Variants in TMTC2 observed in about 807,000 individuals in gnomAD.
TMTC2 encodes protein O-mannosyl-transferase TMTC2.
In TMTC2, 43 loss-of-function variants were observed where a neutral mutation model predicts 82.4. That is an observed-to-expected ratio of 0.52 (90% CI 0.41 to 0.67). The LOEUF (loss-of-function observed/expected upper bound fraction) is 0.67, where lower values mean the gene tolerates loss of function less well. TMTC2 is among the 30% of genes least tolerant of loss of function. TMTC2 has a pLI of 0.00. For synonymous variants in TMTC2, 408 were observed against 381.9 expected, an observed-to-expected ratio of 1.07 and a Z score of -0.80; for missense variants, 919 against 1,012.4, an observed-to-expected ratio of 0.91 and a Z score of 1.25.
intron 3 of TMTC2, among the ~76,000 whole-genome samples, chr12:82,920,523 G>T (rs1339590505): frequency 6.6e-6 from 1 of 152,124 alleles, no homozygotes; most frequent in Non-Finnish European, 1.5e-5. Context: ...CTTTCATTGT[G>T]AATTAACATC....
chr12:82,764,058 G>A lies in TMTC2; in HGVS notation c.83+76389G>A, dbSNP rs1166083936. Reference sequence around the variant, plus strand: ...TGGTGCAATATTCATTTAGTTTTAGGAAAATTATTAGCATAATTCTTTACA... The same window carrying A: ...TGGTGCAATATTCATTTAGTTTTAGAAAAATTATTAGCATAATTCTTTACA... On this transcript the variant is annotated intron_variant, in intron 1 of 11. Coordinates refer to ENST00000321196, the MANE Select transcript of TMTC2 (RefSeq NM_152588.3). 5.9e-5 allele frequency among the ~76,000 whole-genome samples: 9 copies of A among 152,246 alleles called. No individual in the cohort carries two copies. The South Asian group carries it at 8.3e-4, about 14-fold the overall frequency.
At chr12:83,033,729 T>A (rs981330987) in intron 9 of TMTC2, among the ~76,000 whole-genome samples, 2 of 151,192 alleles carry the variant, frequency 1.3e-5, no homozygotes, top group Non-Finnish European at 2.9e-5. Flanking sequence ...CCAGCCTGGG[T>A]GAGAGAGCAA....
chr12:82,794,867 G>A (rs1878642642), intron 1 of TMTC2, among the ~76,000 whole-genome samples: 2 of 152,124 alleles, frequency 1.3e-5, no homozygotes, highest in African/African-American at 4.8e-5. Flanking sequence ...GCTACCAATA[G>A]TCTCTGCCTT....
intron 4 of TMTC2, among the ~76,000 whole-genome samples, chr12:82,961,648 T>C (rs980307787): frequency 2.0e-5 from 3 of 152,040 alleles, no homozygotes; most frequent in Non-Finnish European, 2.9e-5. Flanking sequence ...AGCTGATAAC[T>C]CTTTTTACTG....
intron 1 of TMTC2, among the ~76,000 whole-genome samples, chr12:82,827,987 G>A (rs779292910): frequency 1.3e-4 from 19 of 150,434 alleles, no homozygotes; most frequent in Non-Finnish European, 2.2e-4. Context: ...CCGCCTCCCC[G>A]GTTTAAACAA....
At chr12:82,840,157 C>T (rs981280837) in intron 1 of TMTC2, among the ~76,000 whole-genome samples, 1 of 152,242 alleles carries the variant, frequency 6.6e-6, no homozygotes, top group Non-Finnish European at 1.5e-5. Context: ...GAAGCCCCTA[C>T]TGTGCGTCAT....
chr12:82,706,154 C>T (rs950653571), intron 1 of TMTC2, among the ~76,000 whole-genome samples: 18 of 151,834 alleles, frequency 1.2e-4, no homozygotes, highest in African/African-American at 1.7e-4. Flanking sequence ...ACTAAAAGTA[C>T]GAAAATTAGC....
intron 1 of TMTC2, among the ~76,000 whole-genome samples, chr12:82,806,834 T>C (rs1182958738): frequency 1.3e-5 from 2 of 152,240 alleles, no homozygotes; most frequent in East Asian, 1.9e-4. Context: ...CTGTGTTAGA[T>C]GGCAAAGGCA....
At chr12:82,935,152 C>T (rs1876250287) in intron 4 of TMTC2, among the ~76,000 whole-genome samples, 1 of 151,942 alleles carries the variant, frequency 6.6e-6, no homozygotes. Context: ...GGTTTGCATA[C>T]CTGTGCTAAG....
At chr12:82,935,641 C>T (rs780266583) in intron 4 of TMTC2, among the ~76,000 whole-genome samples, 6 of 152,016 alleles carry the variant, frequency 3.9e-5, no homozygotes, top group Non-Finnish European at 8.8e-5. Flanking sequence ...GGATTTGTTT[C>T]GGTCTGTTCC....
At position 82,918,152 on chromosome 12, in the gene TMTC2, C is replaced by T. The variant is rs145411043; in HGVS notation, c.1484-12279C>T. Among the ~76,000 whole-genome samples the T allele has an allele frequency of 7.5e-3, 1,136 of 152,252 alleles. 14 individuals are homozygous for T. The highest frequency in any genetic ancestry group is 0.026 in the African/African-American group (1,078 of 41,536). ...CTTGAACTCCTGGACTCAAGCAATC[C>T]GCCCAGCTTGGCCTCCCAAAGTACT... On this transcript the variant is annotated intron_variant, in intron 3 of 11. Coordinates refer to ENST00000321196, the MANE Select transcript of TMTC2 (RefSeq NM_152588.3).
At chr12:82,810,405 TA>T (rs1455347538) in intron 1 of TMTC2, among the ~76,000 whole-genome samples, 2 of 150,072 alleles carry the variant, frequency 1.3e-5, no homozygotes, top group African/African-American at 4.9e-5. Context: ...GAATTATTTT[TA>T]TTTTTTTTAT....
At chr12:82,899,109 ATACT>A (rs1160767584) in intron 3 of TMTC2, among the ~76,000 whole-genome samples, 4 of 152,158 alleles carry the variant, frequency 2.6e-5, no homozygotes, top group Non-Finnish European at 5.9e-5. Context: ...GTCCATCCTA[ATACT>A]TAGGAAGTGC....
rs150700389 is a variant in TMTC2, at chr12:83,094,634, A to G, written c.2331+32803A>G. ...GTATTCCAGGTGAAAAAAGACTTGA[A>G]CTAGGGCAGTAGTAAGTACAGGAGG... On this transcript the variant is annotated intron_variant, in intron 11 of 11. Coordinates refer to ENST00000321196, the MANE Select transcript of TMTC2 (RefSeq NM_152588.3). Among the ~76,000 whole-genome samples the G allele has an allele frequency of 3.2e-4, 48 of 152,308 alleles. 1 individual carries two copies. Among genetic ancestry groups the G allele is most frequent in the African/African-American group, 1.1e-3 (46 of 41,558 alleles).
chr12:82,698,631 G>A (rs2136895181), intron 1 of TMTC2, among the ~76,000 whole-genome samples: 1 of 152,130 alleles, frequency 6.6e-6, no homozygotes, highest in East Asian at 1.9e-4. Context: ...AGTATAGTAT[G>A]TTTTCCTCCA....
intron 10 of TMTC2, among the ~76,000 whole-genome samples, chr12:83,059,669 T>C (rs1004726276): frequency 6.6e-6 from 1 of 151,760 alleles, no homozygotes; most frequent in Admixed American, 6.6e-5. Context: ...CACTGAATAA[T>C]ACGAAGACTT....
chr12:82,813,156 T>A (rs1868492626), intron 1 of TMTC2, among the ~76,000 whole-genome samples: 1 of 152,118 alleles, frequency 6.6e-6, no homozygotes. Flanking sequence ...TATGCCAATA[T>A]GTATAGTTTT....
At chr12:82,990,605 A>G (rs894802880) in intron 8 of TMTC2, among the ~76,000 whole-genome samples, 2 of 151,900 alleles carry the variant, frequency 1.3e-5, no homozygotes, top group Non-Finnish European at 2.9e-5. Flanking sequence ...CAGTATCTTC[A>G]TAGTAGGACA....
intron 3 of TMTC2, among the ~76,000 whole-genome samples, chr12:82,926,779 GAAT>G (rs1875743828): frequency 6.6e-6 from 1 of 152,108 alleles, no homozygotes; most frequent in Non-Finnish European, 1.5e-5. Context: ...GGGCCCTTAA[GAAT>G]AATGCTAAAT....
Sources: allele counts gnomAD v4.1 joint callset (sites outside exome capture counted in the v4.1 genomes callset), GRCh38; gene constraint gnomAD v4.1.1; transcripts MANE v1.5; gene names NCBI Gene and HGNC (gene_info 2026-07-23, HGNC 2026-07-21).